The following INPP4B variants were observed in gnomAD, a reference collection of about 807,000 sequenced individuals.
INPP4B encodes the protein inositol polyphosphate 4-phosphatase type II.
A neutral mutation model predicts 122.5 loss-of-function variants in INPP4B; 55 were observed. The ratio of observed to expected loss-of-function variants is 0.45; its 90% confidence interval spans 0.36 to 0.56. INPP4B has a LOEUF of 0.56. INPP4B is among the 20% of genes least tolerant of loss of function. The pLI, the probability that INPP4B is intolerant of heterozygous loss-of-function variation, is 0.00. For missense variants in INPP4B, 1,000 were observed against 1,097.7 expected, an observed-to-expected ratio of 0.91 and a Z score of 1.26; for synonymous variants, 403 against 388.7, an observed-to-expected ratio of 1.04 and a Z score of -0.43.
At chr4:142,357,678 T>C (rs1001109518) in intron 7 of INPP4B, among the ~76,000 whole-genome samples, 4 of 148,694 alleles carry the variant, frequency 2.7e-5, no homozygotes, top group African/African-American at 9.9e-5. Flanking sequence ...AATAGATGAT[T>C]TTCACAGTCT....
intron 7 of INPP4B, among the ~76,000 whole-genome samples, chr4:142,398,857 G>A (rs1163545440): frequency 1.3e-5 from 2 of 151,988 alleles, no homozygotes; most frequent in Non-Finnish European, 2.9e-5. Flanking sequence ...CCTGAGAAAC[G>A]CTCGGTGTCT....
chr4:142,231,157 A>G (rs28548700), intron 12 of INPP4B, among the ~76,000 whole-genome samples: 1,924 of 152,324 alleles, frequency 0.013, 45 homozygotes, highest in African/African-American at 0.043. Flanking sequence ...ACTAACTGTG[A>G]GACTAAGAGA....
chr4:142,239,233 C>T (rs1858064687), intron 11 of INPP4B, among the ~76,000 whole-genome samples: 1 of 152,088 alleles, frequency 6.6e-6, no homozygotes, highest in Admixed American at 6.6e-5. Flanking sequence ...AAATTGGTAC[C>T]ATAATGGAAA....
At chr4:142,082,405 G>A (rs945225033) in intron 24 of INPP4B, among the ~76,000 whole-genome samples, 12 of 152,132 alleles carry the variant, frequency 7.9e-5, no homozygotes, top group African/African-American at 2.9e-4. Flanking sequence ...TTGTGCATGA[G>A]GCATGGAACT....
intron 2 of INPP4B, among the ~76,000 whole-genome samples, chr4:142,515,511 G>T (rs1448376880): frequency 6.6e-6 from 1 of 152,008 alleles, no homozygotes; most frequent in East Asian, 1.9e-4. Flanking sequence ...ACTTGAAAAA[G>T]GACTCCAAAA....
intron 12 of INPP4B, among the ~76,000 whole-genome samples, chr4:142,214,009 G>A (rs907556836): frequency 6.6e-6 from 1 of 152,152 alleles, no homozygotes; most frequent in Admixed American, 6.5e-5. Context: ...ATCTGCTTGA[G>A]CCCAAATGTA....
intron 15 of INPP4B, among the ~76,000 whole-genome samples, chr4:142,184,659 C>T (rs1464481597): frequency 2.0e-5 from 3 of 152,200 alleles, no homozygotes; most frequent in Non-Finnish European, 4.4e-5. Flanking sequence ...TTCATATTCT[C>T]AGAGCACATA....
intron 9 of INPP4B, among the ~76,000 whole-genome samples, chr4:142,305,000 T>G (rs1244900204): frequency 6.6e-6 from 1 of 152,132 alleles, no homozygotes; most frequent in Non-Finnish European, 1.5e-5. Context: ...TGATAAGTGT[T>G]TTATGTTTAA....
intron 7 of INPP4B, among the ~76,000 whole-genome samples, chr4:142,321,225 T>A (rs982875904): frequency 2.6e-5 from 4 of 152,220 alleles, no homozygotes; most frequent in African/African-American, 9.6e-5. Context: ...ATTAGTGATG[T>A]TGAGCACTTT....
intron 12 of INPP4B, among the ~76,000 whole-genome samples, chr4:142,234,270 G>A (rs1327350752): frequency 2.6e-5 from 4 of 152,152 alleles, no homozygotes; most frequent in South Asian, 2.1e-4. Flanking sequence ...TTTAGGAAGA[G>A]CGTATTGTGT....
At chr4:142,540,893 T>C (rs527920718) in intron 2 of INPP4B, among the ~76,000 whole-genome samples, 2 of 152,284 alleles carry the variant, frequency 1.3e-5, no homozygotes, top group East Asian at 3.9e-4. Flanking sequence ...GAAAACCAGA[T>C]GTTCTGGCCA....
chr4:142,138,063 G>A (rs1805590789), intron 18 of INPP4B, among the ~76,000 whole-genome samples: 1 of 151,918 alleles, frequency 6.6e-6, no homozygotes, highest in African/African-American at 2.4e-5. Context: ...TATAAATCAT[G>A]CTGCTATAAA....
intron 12 of INPP4B, among the ~76,000 whole-genome samples, chr4:142,231,776 C>G (rs1444430438): frequency 6.6e-6 from 1 of 152,022 alleles, no homozygotes; most frequent in Non-Finnish European, 1.5e-5. Flanking sequence ...GTGATGGCAA[C>G]ACACCAACTC....
intron 2 of INPP4B, among the ~76,000 whole-genome samples, chr4:142,683,084 G>A (rs950053801): frequency 5.3e-5 from 8 of 151,582 alleles, no homozygotes; most frequent in African/African-American, 1.9e-4. Flanking sequence ...TGCTTCTTTA[G>A]TCATAGTGCC....
chr4:142,452,649 G>T (rs1270437764), intron 3 of INPP4B, among the ~76,000 whole-genome samples: 1 of 152,156 alleles, frequency 6.6e-6, no homozygotes, highest in East Asian at 1.9e-4. Flanking sequence ...GTGGCCACAC[G>T]GGGATTAAAG....
intron 1 of INPP4B, among the ~76,000 whole-genome samples, chr4:142,842,564 T>C (rs1035317161): frequency 1.4e-5 from 2 of 141,330 alleles, no homozygotes; most frequent in Non-Finnish European, 3.0e-5. Flanking sequence ...ATATAATATA[T>C]AATATATGAT....
At chr4:142,796,130 A>G (rs1360362056) in intron 1 of INPP4B, among the ~76,000 whole-genome samples, 2 of 152,014 alleles carry the variant, frequency 1.3e-5, no homozygotes, top group Non-Finnish European at 2.9e-5. Flanking sequence ...ATCGTTCTAC[A>G]TGCATCTTCT....
Position 142,327,997 on chromosome 4 carries a change from A to G in INPP4B, c.373-13235T>C, listed in dbSNP as rs145775205. Among the ~76,000 whole-genome samples, 642 of 152,266 alleles carry G rather than the reference A, an allele frequency of 4.2e-3. 6 individuals are homozygous for G. Among genetic ancestry groups the G allele is most frequent in the African/African-American group, 0.014 (594 of 41,554 alleles). On this transcript the variant is annotated intron_variant, in intron 7 of 25. Transcript: ENST00000262992. ...CTGCTACACAAAGACTGCGGAGGGA[A>G]GTTAAAGCAAAGATCCCAGTTTTCC...
Position 142,028,741 on chromosome 4 carries a change from G to A in INPP4B, c.*41C>T. 1.9e-6 allele frequency: 3 copies of A among 1,572,810 alleles called. No individual in the cohort carries two copies. The highest frequency in any genetic ancestry group is 2.4e-5 in the South Asian group (2 of 84,794). ...AGACCAAGGTGAAGATTATCCAACT[G>A]AAATGTATTTGTGTTCCTGTTTATT... On this transcript the variant is annotated 3_prime_UTR_variant, in exon 26 of 26. Transcript: ENST00000262992.
Sources: allele counts gnomAD v4.1 joint callset (sites outside exome capture counted in the v4.1 genomes callset), GRCh38; gene constraint gnomAD v4.1.1; transcripts MANE v1.5; gene names NCBI Gene and HGNC (gene_info 2026-07-23, HGNC 2026-07-21).